The following RFC3 variants were observed in gnomAD, a reference collection of about 807,000 sequenced individuals.
RFC3 encodes replication factor C subunit 3, also known as A1 38 kDa subunit.
In RFC3, 41 loss-of-function variants were observed where a neutral mutation model predicts 45.1. The observed-to-expected ratio is 0.91, with a 90% CI of 0.71 to 1.18. The LOEUF is 1.18. Among genes scored for constraint, RFC3 ranks in the 50% most tolerant of loss-of-function variants. The pLI is 0.00. For missense variants in RFC3, 423 were observed against 428.1 expected (o/e 0.99, Z 0.10); for synonymous variants, 149 against 144.0 (o/e 1.03, Z -0.25).
chr13:33,884,636 C>G (rs1305777452), intron 8 of RFC3, among the ~76,000 whole-genome samples: 3 of 152,222 alleles, frequency 2.0e-5, no homozygotes, highest in Non-Finnish European at 4.4e-5. Flanking sequence ...AGAGCCCGCT[C>G]ACCATGGCGA....
chr13:33,849,749 G>C (rs898652078), intron 8 of RFC3: 1 of 152,060 alleles, frequency 6.6e-6, no homozygotes, highest in Non-Finnish European at 1.5e-5. Context: ...GTAGTGGTGC[G>C]TGTCTGTCAT....
At chr13:33,926,889 T>A (rs1178628938) in intron 8 of RFC3, among the ~76,000 whole-genome samples, 1 of 150,938 alleles carries the variant, frequency 6.6e-6, no homozygotes, top group Non-Finnish European at 1.5e-5. Flanking sequence ...AAATAATGGC[T>A]CATTCTGAGA....
At chr13:33,825,281 T>G (rs1482116844) in intron 3 of RFC3, among the ~76,000 whole-genome samples, 1 of 152,142 alleles carries the variant, frequency 6.6e-6, no homozygotes, top group East Asian at 1.9e-4. Context: ...AATTTGCTTA[T>G]CTCATCGCTT....
At chr13:33,874,508 G>A (rs1321024360) in intron 8 of RFC3, among the ~76,000 whole-genome samples, 2 of 152,108 alleles carry the variant, frequency 1.3e-5, no homozygotes, top group African/African-American at 2.4e-5. Context: ...TATTGGAGAC[G>A]GGGTTTCACC....
chr13:33,973,385 G>C, the RFC3 span, among the ~76,000 whole-genome samples: 1 of 152,148 alleles, frequency 6.6e-6, no homozygotes, highest in African/African-American at 2.4e-5. Flanking sequence ...CAGTGTCATG[G>C]AGGTGATTTA....
intron 8 of RFC3, among the ~76,000 whole-genome samples, chr13:33,965,616 A>T (rs1008687351): frequency 3.3e-5 from 5 of 152,164 alleles, no homozygotes; most frequent in African/African-American, 4.8e-5. Context: ...ATGTCTATAT[A>T]TTATTGTTAT....
chr13:33,825,867 C>G lies in RFC3; in HGVS notation c.372C>G (p.Asn124Lys). The G allele has an allele frequency of 6.2e-7, 1 of 1,606,052 alleles. No homozygotes were observed. Among genetic ancestry groups the G allele is most frequent in the Non-Finnish European group, 8.5e-7 (1 of 1,175,238 alleles). The change falls in exon 4 of 9, where the codon AAC becomes AAG. Residue 124 changes from asparagine (N) to lysine (K), a missense_variant. Asn to Lys is a moderately conservative substitution (Grantham distance 94). Transcript: ENST00000380071. ...CACAATCACAACAACTTGAAACAAA[C>G]TCTCAAAGGGATTTTAAAGGTAGGT... ...TVAQSQQLETNSQRDFKVVLL... is the reference protein window; with the variant it reads ...TVAQSQQLETKSQRDFKVVLL...
At chr13:33,878,710 T>C (rs2082463558) in intron 8 of RFC3, among the ~76,000 whole-genome samples, 1 of 152,130 alleles carries the variant, frequency 6.6e-6, no homozygotes, top group Admixed American at 6.5e-5. Context: ...GCAGGTTCAT[T>C]CAGAATAGAT....
rs138724598 is a variant in RFC3, at chr13:33,960,235, A to G, written c.880-5852A>G. On this transcript the variant is annotated intron_variant, in intron 8 of 8. Coordinates refer to the RFC3 transcript ENST00000434425. ...AAAAAACAAACAAAACAAAACAACCAAAAAACAAAAATCAAGTGATGGTAT... is the reference window on the plus strand; with the variant it reads ...AAAAAACAAACAAAACAAAACAACCGAAAAACAAAAATCAAGTGATGGTAT... 8.3e-3 allele frequency among the ~76,000 whole-genome samples: 1,257 copies of G among 152,254 alleles called. 6 individuals are homozygous for G. Among genetic ancestry groups the G allele is most frequent in the Middle Eastern group, 0.017 (5 of 294 alleles).
chr13:33,820,907 ATATATT>A (rs1418570472), intron 1 of RFC3, among the ~76,000 whole-genome samples: 96 of 12,476 alleles, frequency 7.7e-3, no homozygotes, highest in African/African-American at 0.038. Context: ...TTCAGCATAT[ATATATT>A]TATATATATA....
chr13:33,829,606 TA>T (rs1347297542), intron 4 of RFC3: 16 of 529,950 alleles, frequency 3.0e-5, no homozygotes, highest in Non-Finnish European at 5.0e-5. Flanking sequence ...AAGTCTTTAG[TA>T]AAAGGCAAAA....
At chr13:33,940,174 A>G (rs1396227396) in intron 8 of RFC3, among the ~76,000 whole-genome samples, 5 of 152,194 alleles carry the variant, frequency 3.3e-5, no homozygotes, top group Non-Finnish European at 7.3e-5. Flanking sequence ...GAATTCTTAC[A>G]TCATTAATTT....
At chr13:33,867,848 G>A (rs188152587) in intron 8 of RFC3, among the ~76,000 whole-genome samples, 62 of 152,296 alleles carry the variant, frequency 4.1e-4, no homozygotes, top group African/African-American at 1.4e-3. Context: ...ACCACGTTAT[G>A]TATACATTGG....
chr13:33,910,083 T>C (rs1299016386), intron 8 of RFC3, among the ~76,000 whole-genome samples: 1 of 152,144 alleles, frequency 6.6e-6, no homozygotes, highest in Non-Finnish European at 1.5e-5. Flanking sequence ...ATTGCACTTC[T>C]TATTGTGTTA....
exon 9 of RFC3, chr13:33,966,091 G>A (rs764822816): frequency 1.2e-6 from 2 of 1,608,488 alleles, no homozygotes; most frequent in South Asian, 1.1e-5. Context: ...TTACAGGCAT[G>A]TAAGGAGGAA....
At position 33,886,684 on chromosome 13, in the gene RFC3, G is replaced by A. The variant is rs1317836090; in HGVS notation, c.879+51467G>A. Among the ~76,000 whole-genome samples the A allele has an allele frequency of 3.4e-5, 5 of 147,734 alleles. No individual in the cohort carries two copies. The East Asian group carries it at 9.9e-4, about 29-fold the overall frequency. On this transcript the variant is annotated intron_variant, in intron 8 of 8. Transcript: ENST00000434425. ...GTTTTAGGGTACATGTGCACAATGT[G>A]CAGGTTAGTTACATATGTATACATG...
At chr13:33,920,355 T>G (rs952501353) in intron 8 of RFC3, among the ~76,000 whole-genome samples, 12 of 151,646 alleles carry the variant, frequency 7.9e-5, no homozygotes, top group Non-Finnish European at 1.5e-4. Context: ...GGGAGAGAGC[T>G]CTTTAGGAGC....
intron 8 of RFC3, among the ~76,000 whole-genome samples, chr13:33,924,931 A>C (rs1348150419): frequency 6.6e-6 from 1 of 150,670 alleles, no homozygotes; most frequent in Admixed American, 6.6e-5. Context: ...ACAAAAAAAT[A>C]ACTAGGTGAG....
intron 8 of RFC3, among the ~76,000 whole-genome samples, chr13:33,926,219 G>T (rs1357003077): frequency 1.3e-4 from 14 of 111,082 alleles, no homozygotes; most frequent in African/African-American, 2.8e-4. Flanking sequence ...GGGGTGGGGG[G>T]AGGGGGGAGG....
Sources: gnomAD v4.1 joint callset for allele counts (sites outside exome capture counted in the v4.1 genomes callset) on GRCh38, gnomAD v4.1.1 for gene constraint, MANE v1.5 for transcripts, NCBI Gene and HGNC (gene_info 2026-07-23, HGNC 2026-07-21) for gene names.